Variants in CHD1 observed in about 807,000 individuals in gnomAD.
The protein encoded by CHD1 is ATP-dependent chromatin remodeler CHD1.
In CHD1, 36 loss-of-function variants were observed where a neutral mutation model predicts 224.2. The observed-to-expected ratio is 0.16, with a 90% CI of 0.12 to 0.21. The LOEUF is 0.21. Among genes scored for constraint, CHD1 ranks in the 10% least tolerant of loss-of-function variants. CHD1 has a pLI of 1.00. For missense variants in CHD1, 1,378 were observed against 1,994.8 expected (o/e 0.69, Z 5.89); for synonymous variants, 668 against 658.3 (o/e 1.01, Z -0.23).
intron 12 of CHD1, among the ~76,000 whole-genome samples, chr5:98,895,758 A>C (rs1222993439): frequency 6.0e-5 from 9 of 151,170 alleles, no homozygotes; most frequent in Non-Finnish European, 7.4e-5. Context: ...AAAAAAAAAA[A>C]CCCACCAAAA....
intron 18 of CHD1, chr5:98,883,841 A>ATG (rs1750387941): frequency 2.1e-5 from 1 of 48,416 alleles, no homozygotes. Context: ...ATATATATAT[A>ATG]TATATATATA....
rs61406690 is a variant in CHD1 at position 98,871,369 on chromosome 5, CAAAAAAAAAAA to C, written c.3862-577_3862-567del. Among the ~76,000 whole-genome samples the C allele has an allele frequency of 1.3e-3, 60 of 46,766 alleles. 1 individual carries two copies. Among genetic ancestry groups the C allele is most frequent in the Non-Finnish European group, 1.5e-3 (42 of 28,400 alleles). 30.7% of individuals were successfully genotyped at this position (46,766 alleles called of 152,430 possible). A position where few individuals can be genotyped will look rare whatever the true frequency, so the allele number is the denominator to read the frequency against. On this transcript the variant is annotated intron_variant, in intron 28 of 35. Transcript: ENST00000614616. ...TTCTCCCAGTGTTTCCCATTTTAGG[CAAAAAAAAAAA>C]AAAAAAAAAAAAAAAAAAAGGATTT...
At position 98,854,680 on chromosome 5, in the gene CHD1, A is replaced by C. The variant is rs1001800245; in HGVS notation, c.*1700T>G. ...AAAAAACAAAACAAAAAGCAAAAAA[A>C]CCCACAAGCTTTTATACACATAAAC... On this transcript the variant is annotated 3_prime_UTR_variant, in exon 36 of 36. Coordinates refer to ENST00000614616, the MANE Select transcript of CHD1 (RefSeq NM_001270.4). The C allele has an allele frequency of 8.5e-5, 13 of 152,126 alleles. No homozygotes were observed. The highest frequency in any genetic ancestry group is 1.9e-4 in the Non-Finnish European group (13 of 67,988). 9.4% of individuals were successfully genotyped at this position (152,126 alleles called of 1,614,324 possible). A position where few individuals can be genotyped will look rare whatever the true frequency, so the allele number is the denominator to read the frequency against.
At chr5:98,877,654 T>TA (rs1259921595) in intron 23 of CHD1, among the ~76,000 whole-genome samples, 5 of 152,214 alleles carry the variant, frequency 3.3e-5, no homozygotes, top group African/African-American at 9.6e-5. Context: ...TTAAATGAAG[T>TA]AAAAAATGGT....
At chr5:98,891,920 T>C (rs925370711) in intron 15 of CHD1, among the ~76,000 whole-genome samples, 2 of 152,248 alleles carry the variant, frequency 1.3e-5, no homozygotes, top group Non-Finnish European at 2.9e-5. Context: ...ATAATAAAAA[T>C]AATTATGCAA....
intron 20 of CHD1, 46 bp from the exon 21 acceptor site, chr5:98,881,421 A>ATTTT: frequency 1.1e-6 from 1 of 914,002 alleles, no homozygotes. Context: ...AGTTAAAAAT[A>ATTTT]TAACAGTTAC....
chr5:98,916,545 C>G (rs1391618284), intron 2 of CHD1, among the ~76,000 whole-genome samples: 1 of 40,420 alleles, frequency 2.5e-5, no homozygotes, highest in Non-Finnish European at 5.0e-5. Flanking sequence ...AACTCCGTCT[C>G]AAAAAAAAAA....
rs897324877 is a variant in CHD1, at chr5:98,873,914, CAAT to C, written c.3441-194_3441-192del. The stretch of plus-strand genomic sequence containing the variant: ...TAGACAAACAATTCATTTATATATT[CAAT>C]AATAATGAGTTTAATTCATTATAGA... On this transcript the variant is annotated intron_variant, in intron 25 of 35. Transcript: ENST00000614616. Among the ~76,000 whole-genome samples, 3 of 152,220 alleles carry C rather than the reference CAAT, an allele frequency of 2.0e-5. No individual in the cohort carries two copies. In the South Asian group the frequency reaches 6.2e-4, roughly 32 times the overall value.
At position 98,900,945 on chromosome 5, in the gene CHD1, T is replaced by G. The variant is rs752843455; in HGVS notation, c.725A>C (p.Tyr242Ser). The change falls in exon 7 of 36, where the codon TAT becomes TCT. Residue 242 changes from tyrosine to serine, a missense_variant. Coordinates refer to ENST00000614616, the MANE Select transcript of CHD1 (RefSeq NM_001270.4). ...SRRQATVNVS[Y>S]KEDEEMKTDS... ...TGTTTTCATTTCTTCATCCTCCTTA[T>G]AGCTAACATTAACAGTTGCTTGGCG... 1 of 1,614,122 alleles carries G rather than the reference T, an allele frequency of 6.2e-7. No homozygotes were observed. Among genetic ancestry groups the G allele is most frequent in the East Asian group, 2.2e-5 (1 of 44,862 alleles).
chr5:98,888,379 A>T, intron 16 of CHD1, 139 bp from the exon 17 acceptor site: 1 of 660,146 alleles, frequency 1.5e-6, no homozygotes, highest in Non-Finnish European at 2.4e-6. Flanking sequence ...ACTTTTCAAA[A>T]TTTTCTAAGA....
At chr5:98,868,667 A>G (rs1157924589) in intron 30 of CHD1, 32 bp from the exon 31 acceptor site, 7 of 1,516,910 alleles carry the variant, frequency 4.6e-6, no homozygotes, top group Non-Finnish European at 5.3e-6. Context: ...AACAAAAACA[A>G]AACCCCAATA....
chr5:98,868,304 G>A (rs2112292838), intron 31 of CHD1, among the ~76,000 whole-genome samples, 191 bp downstream of exon 31: 1 of 147,396 alleles, frequency 6.8e-6, no homozygotes, highest in South Asian at 2.2e-4. Flanking sequence ...TCCAGCCTGG[G>A]CGACAGTGAG....
chr5:98,895,650 G>A (rs1251579180), intron 12 of CHD1, among the ~76,000 whole-genome samples: 1 of 151,766 alleles, frequency 6.6e-6, no homozygotes, highest in African/African-American at 2.4e-5. Flanking sequence ...CTACTTGGAA[G>A]GGTGAGGCAG....
At chr5:98,881,914 A>G (rs950988911) in intron 20 of CHD1, 61 bp downstream of exon 20, 110 of 1,394,682 alleles carry the variant, frequency 7.9e-5, no homozygotes, top group Non-Finnish European at 1.1e-4. Flanking sequence ...GTGATGTAAC[A>G]TATCAAAAAT....
intron 2 of CHD1, among the ~76,000 whole-genome samples, chr5:98,906,204 A>G (rs745861677): frequency 6.6e-6 from 1 of 152,174 alleles, no homozygotes; most frequent in Non-Finnish European, 1.5e-5. Flanking sequence ...TAAAGTATGA[A>G]TAAGCATTGT....
intron 2 of CHD1, among the ~76,000 whole-genome samples, chr5:98,925,250 A>AT (rs1419328110): frequency 6.6e-6 from 1 of 151,958 alleles, no homozygotes; most frequent in African/African-American, 2.4e-5. Flanking sequence ...CAATCCTCAA[A>AT]TTTTTTTTAA....
At position 98,855,559 on chromosome 5, in the gene CHD1, T is replaced by C. The variant is rs1747961610; in HGVS notation, c.*821A>G. 1 of 151,938 alleles carries C rather than the reference T, an allele frequency of 6.6e-6. No homozygotes were observed. 9.4% of individuals were successfully genotyped at this position (151,938 alleles called of 1,614,324 possible). A position where few individuals can be genotyped will look rare whatever the true frequency, so the allele number is the denominator to read the frequency against. ...AGGGAATAACATGTATCTAATAAAA[T>C]ATTCAGTATAAAAAGAGGACTAATG... On this transcript the variant is annotated 3_prime_UTR_variant, in exon 36 of 36. Transcript: ENST00000614616.
At chr5:98,883,065 A>T in intron 19 of CHD1, 23 bp downstream of exon 19, 1 of 1,374,278 alleles carries the variant, frequency 7.3e-7, no homozygotes, top group Non-Finnish European at 9.6e-7. Context: ...CAGCAATATA[A>T]TATAAATTAA....
intron 32 of CHD1, among the ~76,000 whole-genome samples, chr5:98,863,092 A>G (rs1253633746): frequency 6.6e-6 from 1 of 152,158 alleles, no homozygotes; most frequent in East Asian, 1.9e-4. Context: ...ACCAACTTCA[A>G]AAGATATTAC....
Sources: gnomAD v4.1 joint callset for allele counts (sites outside exome capture counted in the v4.1 genomes callset) on GRCh38, gnomAD v4.1.1 for gene constraint, MANE v1.5 for transcripts, NCBI Gene and HGNC (gene_info 2026-07-23, HGNC 2026-07-21) for gene names.